Variants in SV2C observed in about 807,000 individuals in gnomAD.
SV2C encodes the protein synaptic vesicle glycoprotein 2C, also known as solute carrier family 22 member B3.
In SV2C, 49 loss-of-function variants were observed where a neutral mutation model predicts 79.7. That is an observed-to-expected ratio of 0.61 (90% confidence interval 0.49 to 0.78). The LOEUF is 0.78. Among genes scored for constraint, SV2C ranks in the 30% least tolerant of loss-of-function variants. SV2C has a pLI of 0.00. For synonymous variants in SV2C, 334 were observed against 333.2 expected (o/e 1.00, Z -0.03); for missense variants, 833 against 912.9 (o/e 0.91, Z 1.13).
chr5:75,954,133 G>A, the SV2C span, among the ~76,000 whole-genome samples: 1 of 151,930 alleles, frequency 6.6e-6, no homozygotes, highest in Non-Finnish European at 1.5e-5. Flanking sequence ...ATTGATGGTG[G>A]GTTAGGATGG....
the SV2C span, among the ~76,000 whole-genome samples, chr5:75,954,086 C>T: frequency 6.6e-6 from 1 of 151,912 alleles, no homozygotes; most frequent in East Asian, 1.9e-4. Flanking sequence ...GGTGATTTGT[C>T]CTGGCACACT....
intron 4 of SV2C, among the ~76,000 whole-genome samples, chr5:76,235,304 C>T (rs11952839): frequency 0.12 from 17,800 of 151,808 alleles, 3,022 homozygotes; most frequent in African/African-American, 0.38. Flanking sequence ...AATGTCTTGG[C>T]AGCAAGGTAA....
At chr5:76,075,965 T>C in the SV2C span, 311 of 177,810 alleles carry the variant, frequency 1.7e-3, 7 homozygotes, top group East Asian at 0.051. Context: ...TCCAATTAGT[T>C]ATGTAAAATT....
At chr5:76,345,383 C>G (rs1749520088) in intron 12 of SV2C, among the ~76,000 whole-genome samples, 1 of 152,148 alleles carries the variant, frequency 6.6e-6, no homozygotes, top group South Asian at 2.1e-4. Flanking sequence ...AAAGATAGAC[C>G]CAGCTTCTCC....
At position 76,327,501 on chromosome 5, in the gene SV2C, G is replaced by A. The variant is rs1388905259; in HGVS notation, c.*1954G>A. On this transcript the variant is annotated 3_prime_UTR_variant, in exon 13 of 13. Coordinates refer to ENST00000502798, the MANE Select transcript of SV2C (RefSeq NM_014979.4). ...GACAGCAGTCAAACAACCCAAGAAAGTACCCTGTATGTTTTTCTTCTTCCA... is the reference window on the plus strand; with the variant it reads ...GACAGCAGTCAAACAACCCAAGAAAATACCCTGTATGTTTTTCTTCTTCCA... The A allele has an allele frequency of 6.6e-6, 1 of 152,174 alleles. No homozygotes were observed. 9.4% of individuals were successfully genotyped at this position (152,174 alleles called of 1,614,324 possible). A position where few individuals can be genotyped will look rare whatever the true frequency, so the allele number is the denominator to read the frequency against.
the SV2C span, among the ~76,000 whole-genome samples, chr5:75,861,549 A>G: frequency 2.0e-5 from 3 of 152,242 alleles, no homozygotes; most frequent in African/African-American, 7.2e-5. Flanking sequence ...ACTATCCACA[A>G]TAGCAAATAC....
chr5:76,174,282 C>A (rs897196003), intron 2 of SV2C: 88 of 1,213,146 alleles, frequency 7.3e-5, no homozygotes, highest in Non-Finnish European at 4.9e-5. Context: ...GGTCGCTACT[C>A]TAGGCGCCAC....
At chr5:75,864,324 C>CCATT in the SV2C span, among the ~76,000 whole-genome samples, 69 of 151,910 alleles carry the variant, frequency 4.5e-4, no homozygotes, top group Non-Finnish European at 7.9e-4. Context: ...ATCCATCCAT[C>CCATT]CATCCATCCA....
intron 9 of SV2C, among the ~76,000 whole-genome samples, chr5:76,297,241 A>C (rs1215213661): frequency 6.6e-6 from 1 of 152,220 alleles, no homozygotes; most frequent in Non-Finnish European, 1.5e-5. Context: ...TTTTTAAAAA[A>C]TAGCTTTTTT....
At chr5:75,851,073 G>C in the SV2C span, among the ~76,000 whole-genome samples, 5 of 152,156 alleles carry the variant, frequency 3.3e-5, no homozygotes, top group African/African-American at 9.7e-5. Context: ...ACACTTGTCA[G>C]AATTTAATCG....
the SV2C span, among the ~76,000 whole-genome samples, chr5:76,027,768 A>G: frequency 6.6e-6 from 1 of 152,160 alleles, no homozygotes; most frequent in Non-Finnish European, 1.5e-5. Context: ...GTGGTACTGG[A>G]CCAATGCTCA....
chr5:76,144,466 T>G (rs1749357767), intron 2 of SV2C, among the ~76,000 whole-genome samples: 1 of 152,190 alleles, frequency 6.6e-6, no homozygotes, highest in Non-Finnish European at 1.5e-5. Context: ...CTGCTTTTAT[T>G]TATCTGGAGG....
At chr5:76,158,950 G>A (rs564381207) in intron 2 of SV2C, among the ~76,000 whole-genome samples, 1 of 152,094 alleles carries the variant, frequency 6.6e-6, no homozygotes, top group African/African-American at 2.4e-5. Context: ...ATACACCAGG[G>A]TGGGATTTAT....
At chr5:76,173,031 A>G (rs1743369944) in intron 2 of SV2C, among the ~76,000 whole-genome samples, 2 of 125,766 alleles carry the variant, frequency 1.6e-5, no homozygotes, top group Admixed American at 1.6e-4. Flanking sequence ...AGAAACACCC[A>G]AGAATTATCA....
At chr5:75,938,550 A>G in the SV2C span, among the ~76,000 whole-genome samples, 1 of 152,222 alleles carries the variant, frequency 6.6e-6, no homozygotes, top group Non-Finnish European at 1.5e-5. Flanking sequence ...AACATCAAAG[A>G]TACATACCAT....
chr5:75,955,417 CG>C, the SV2C span, among the ~76,000 whole-genome samples: 1 of 151,468 alleles, frequency 6.6e-6, no homozygotes, highest in Non-Finnish European at 1.5e-5. Context: ...AAGACTTAAA[CG>C]TTAGACCTAA....
At chr5:76,003,988 G>T in the SV2C span, among the ~76,000 whole-genome samples, 1,889 of 152,142 alleles carry the variant, frequency 0.012, 37 homozygotes, top group African/African-American at 0.042. Flanking sequence ...GGAGCTGAAA[G>T]GTGGTTCCAG....
At chr5:76,109,535 C>T (rs1748034163) in intron 1 of SV2C, among the ~76,000 whole-genome samples, 1 of 152,132 alleles carries the variant, frequency 6.6e-6, no homozygotes, top group Admixed American at 6.6e-5. Context: ...TCCTAATCTC[C>T]CATACGTGTG....
chr5:75,903,593 A>G, the SV2C span, among the ~76,000 whole-genome samples: 5 of 152,228 alleles, frequency 3.3e-5, no homozygotes, highest in Non-Finnish European at 7.3e-5. Flanking sequence ...AAATCTGTTT[A>G]GAATTTCAGC....
Sources: gnomAD v4.1 joint callset for allele counts (sites outside exome capture counted in the v4.1 genomes callset) on GRCh38, gnomAD v4.1.1 for gene constraint, MANE v1.5 for transcripts, NCBI Gene and HGNC (gene_info 2026-07-23, HGNC 2026-07-21) for gene names.